Variants in PWP1 observed in about 807,000 individuals in gnomAD.
PWP1 encodes periodic tryptophan protein 1 homolog.
PWP1 carries 47 observed loss-of-function variants against 69.9 expected under a neutral mutation model. The observed-to-expected ratio is 0.67, with a 90% CI of 0.53 to 0.86. PWP1 has a LOEUF of 0.86. Among genes scored for constraint, PWP1 ranks in the 40% least tolerant of loss-of-function variants. The pLI, the probability that PWP1 is intolerant of heterozygous loss-of-function variation, is 0.00. For synonymous variants in PWP1, 222 were observed against 208.2 expected, an observed-to-expected ratio of 1.07 and a Z score of -0.57; for missense variants, 551 against 608.8, an observed-to-expected ratio of 0.91 and a Z score of 1.00.
chr12:107,693,585 G>C (rs568537754), intron 5 of PWP1, among the ~76,000 whole-genome samples: 5 of 152,176 alleles, frequency 3.3e-5, no homozygotes, highest in African/African-American at 4.8e-5. Flanking sequence ...AAAATACAAG[G>C]CTGGGTGCGG....
chr12:107,688,922 G>A, intron 3 of PWP1, 120 bp downstream of exon 3: 2 of 1,060,226 alleles, frequency 1.9e-6, no homozygotes, highest in East Asian at 2.6e-5. Context: ...AGATAATCTG[G>A]TTGAAGACTT....
intron 11 of PWP1, among the ~76,000 whole-genome samples, chr12:107,707,736 C>A (rs960158576): frequency 1.6e-4 from 24 of 152,158 alleles, no homozygotes; most frequent in African/African-American, 5.8e-4. Context: ...AGCCTTGCAT[C>A]CCAGGGATGA....
intron 1 of PWP1, 190 bp downstream of exon 1, chr12:107,686,161 A>C (rs1249572967): frequency 1.9e-5 from 12 of 635,018 alleles, no homozygotes; most frequent in Non-Finnish European, 3.3e-5. Flanking sequence ...GAGCCTGGAG[A>C]GTCAAGGGCC....
intron 10 of PWP1, among the ~76,000 whole-genome samples, chr12:107,704,235 A>G (rs1281751308): frequency 2.0e-5 from 3 of 152,240 alleles, no homozygotes; most frequent in African/African-American, 7.2e-5. Context: ...CAGAATTACA[A>G]AAGTGCATCC....
chr12:107,696,029 CTT>C (rs397700499), intron 5 of PWP1, among the ~76,000 whole-genome samples: 9 of 103,732 alleles, frequency 8.7e-5, no homozygotes, highest in Admixed American at 2.5e-4. Context: ...ATATTGGAAT[CTT>C]TTTTTTTTTT....
At chr12:107,688,401 G>C (rs1202929850) in intron 1 of PWP1, 47 bp from the exon 2 acceptor site, 4 of 1,515,636 alleles carry the variant, frequency 2.6e-6, no homozygotes, top group Non-Finnish European at 3.6e-6. Context: ...CAAATAATTT[G>C]ATGATTTCCT....
chr12:107,688,885 T>TC, intron 3 of PWP1, 83 bp downstream of exon 3: 1 of 1,358,072 alleles, frequency 7.4e-7, no homozygotes, highest in Non-Finnish European at 1.0e-6. Flanking sequence ...GCTTTACTCT[T>TC]AGATTTTATT....
intron 11 of PWP1, 100 bp downstream of exon 11, chr12:107,704,847 C>A: frequency 4.0e-6 from 4 of 992,298 alleles, no homozygotes; most frequent in South Asian, 1.5e-5. Context: ...TCTGTTTTAA[C>A]AGTATGAAGT....
intron 14 of PWP1, among the ~76,000 whole-genome samples, chr12:107,711,782 A>AT (rs1418545120): frequency 6.6e-6 from 1 of 152,160 alleles, no homozygotes; most frequent in African/African-American, 2.4e-5. Context: ...TGTGCCGGTT[A>AT]TGATCAGAGA....
chr12:107,696,463 A>G lies in PWP1; in HGVS notation c.503-11A>G, dbSNP rs377638908. ...CTGATACATTAAAGTCTCTTTTCCC[A>G]ATCTTTTCAGTTTATAATCAAGAAG... On this transcript the variant is annotated splice_polypyrimidine_tract_variant and intron_variant, in intron 5 of 14. Coordinates refer to ENST00000412830, the MANE Select transcript of PWP1 (RefSeq NM_007062.3). 1 of 1,609,012 alleles carries G rather than the reference A, an allele frequency of 6.2e-7. No homozygotes were observed. Among genetic ancestry groups the G allele is most frequent in the African/African-American group, 1.3e-5 (1 of 74,736 alleles).
intron 8 of PWP1, 78 bp downstream of exon 8, chr12:107,699,512 T>C: frequency 8.5e-7 from 1 of 1,182,386 alleles, no homozygotes; most frequent in Non-Finnish European, 1.2e-6. Context: ...ACTCATCTCT[T>C]TATTTGTGCT....
intron 1 of PWP1, among the ~76,000 whole-genome samples, chr12:107,686,366 C>T (rs1889365170): frequency 6.6e-6 from 1 of 152,166 alleles, no homozygotes; most frequent in Non-Finnish European, 1.5e-5. Flanking sequence ...CATGAAAACT[C>T]CACTTTCCAC....
Position 107,696,545 on chromosome 12 carries a change from G to A in PWP1, c.574G>A (p.Glu192Lys). 1 of 1,614,074 alleles carries A rather than the reference G, an allele frequency of 6.2e-7. No homozygotes were observed. The highest frequency in any genetic ancestry group is 8.5e-7 in the Non-Finnish European group (1 of 1,179,990). ...CTTGTCTGCATATCCTCTGAGTGTGGAATGGCTGAATTTTGATCCTAGCCC... is the reference window on the plus strand; with the variant it reads ...CTTGTCTGCATATCCTCTGAGTGTGAAATGGCTGAATTTTGATCCTAGCCC... Reference protein sequence around the residue: ...ILLSAYPLSVEWLNFDPSPDD... With the variant: ...ILLSAYPLSVKWLNFDPSPDD... Residue 192 changes from glutamate (E) to lysine (K), a missense_variant, in exon 6 of 15, where the codon GAA becomes AAA. Coordinates refer to ENST00000412830, the MANE Select transcript of PWP1 (RefSeq NM_007062.3).
chr12:107,689,930 G>A (rs1889448403), intron 3 of PWP1, among the ~76,000 whole-genome samples: 1 of 152,280 alleles, frequency 6.6e-6, no homozygotes, highest in Non-Finnish European at 1.5e-5. Flanking sequence ...AGCTCGCTTT[G>A]TTTCTTTTGG....
At chr12:107,686,224 C>G (rs995114279) in intron 1 of PWP1, 2 of 561,978 alleles carry the variant, frequency 3.6e-6, no homozygotes, top group Non-Finnish European at 6.4e-6. Context: ...CAAATTCGCA[C>G]GCACATGGAC....
chr12:107,686,015 G>C (rs368520206), intron 1 of PWP1, 44 bp downstream of exon 1: 6 of 1,597,516 alleles, frequency 3.8e-6, no homozygotes, highest in Non-Finnish European at 5.1e-6. Flanking sequence ...GCGTCTTTAC[G>C]GCACTGGGGG....
At position 107,697,451 on chromosome 12, in the gene PWP1, T is replaced by A. The variant is rs373604479; in HGVS notation, c.614-16T>A. 1 of 1,565,054 alleles carries A rather than the reference T, an allele frequency of 6.4e-7. No homozygotes were observed. The highest frequency in any genetic ancestry group is 1.2e-5 in the South Asian group (1 of 83,208). Reference sequence around the variant, plus strand: ...CTTTTTTTGTGTAATCATACATGCATTGTTTCCTCCCATAGGAAATTACAT... The same window carrying A: ...CTTTTTTTGTGTAATCATACATGCAATGTTTCCTCCCATAGGAAATTACAT... On this transcript the variant is annotated splice_polypyrimidine_tract_variant and intron_variant, in intron 6 of 14. Coordinates refer to ENST00000412830, the MANE Select transcript of PWP1 (RefSeq NM_007062.3).
chr12:107,698,266 G>T (rs1370651919), intron 7 of PWP1, among the ~76,000 whole-genome samples: 1 of 152,196 alleles, frequency 6.6e-6, no homozygotes, highest in African/African-American at 2.4e-5. Flanking sequence ...GGAGGCTGAG[G>T]CAGGAGAATC....
Position 107,685,811 on chromosome 12 carries a change from C to G in PWP1, c.-89C>G. ...GCTCTGCCCTGGCAGCGGCCCTGTG[C>G]AGATCCCTGAGCGTGTGGCAGCAGT... On this transcript the variant is annotated 5_prime_UTR_variant, in exon 1 of 15. Transcript: ENST00000412830. 3 of 1,432,018 alleles carry G rather than the reference C, an allele frequency of 2.1e-6. No homozygotes were observed. Among genetic ancestry groups the G allele is most frequent in the Non-Finnish European group, 2.9e-6 (3 of 1,020,108 alleles). 88.7% of individuals were successfully genotyped at this position (1,432,018 alleles called of 1,614,324 possible).
Sources: gnomAD v4.1 joint callset for allele counts (sites outside exome capture counted in the v4.1 genomes callset) on GRCh38, gnomAD v4.1.1 for gene constraint, MANE v1.5 for transcripts, NCBI Gene and HGNC (gene_info 2026-07-23, HGNC 2026-07-21) for gene names.